Variants in LARGE1 observed in about 807,000 individuals in gnomAD.
LARGE1 encodes LARGE xylosyl- and glucuronyltransferase 1.
LARGE1 carries 43 observed loss-of-function variants against 87.6 expected under a neutral mutation model. That is an observed-to-expected ratio of 0.49 (90% CI 0.38 to 0.63). The LOEUF is 0.63. LARGE1 is among the 30% of genes least tolerant of loss of function. The probability of loss-of-function intolerance (pLI) is 0.00; values close to 1 mark genes in which losing one functional copy is unlikely to be tolerated. For synonymous variants in LARGE1, 434 were observed against 394.6 expected (o/e 1.10, Z -1.18); for missense variants, 802 against 1,000.2 (o/e 0.80, Z 2.67).
intron 1 of LARGE1, among the ~76,000 whole-genome samples, chr22:33,815,214 G>C (rs910891558): frequency 6.6e-6 from 1 of 152,138 alleles, no homozygotes; most frequent in African/African-American, 2.4e-5. Context: ...GTTTCTCCCA[G>C]GACAGTAGTG....
intron 7 of LARGE1, among the ~76,000 whole-genome samples, chr22:33,417,257 T>G (rs890980945): frequency 2.6e-5 from 4 of 152,168 alleles, no homozygotes; most frequent in Admixed American, 2.0e-4. Context: ...GCACCTAGTA[T>G]CTGCTGGACA....
chr22:33,602,993 A>T (rs2079151856), intron 5 of LARGE1, among the ~76,000 whole-genome samples: 1 of 152,240 alleles, frequency 6.6e-6, no homozygotes, highest in Non-Finnish European at 1.5e-5. Flanking sequence ...CCTGGGAGAC[A>T]GAGTGGCTTG....
intron 5 of LARGE1, among the ~76,000 whole-genome samples, chr22:33,576,626 C>A (rs907572715): frequency 6.6e-5 from 10 of 152,018 alleles, no homozygotes; most frequent in Admixed American, 6.6e-4. Flanking sequence ...CAGATATCAC[C>A]GCGAAAGCAC....
intron 6 of LARGE1, among the ~76,000 whole-genome samples, chr22:33,492,237 T>G (rs1025757611): frequency 3.9e-5 from 6 of 152,186 alleles, no homozygotes; most frequent in African/African-American, 1.4e-4. Context: ...TAAGCCCCTA[T>G]AGCTGAGAGG....
chr22:33,820,412 C>T (rs533787924), intron 1 of LARGE1, among the ~76,000 whole-genome samples: 43 of 152,170 alleles, frequency 2.8e-4, no homozygotes, highest in East Asian at 5.8e-4. Flanking sequence ...GCCTCAAACT[C>T]GGGGGCTCAA....
chr22:33,359,909 T>C (rs1042660016), intron 9 of LARGE1, among the ~76,000 whole-genome samples: 1 of 149,008 alleles, frequency 6.7e-6, no homozygotes, highest in African/African-American at 2.5e-5. Flanking sequence ...AATCTAGGAG[T>C]GGCCAACCCA....
At chr22:33,708,632 G>A (rs138081042) in intron 2 of LARGE1, among the ~76,000 whole-genome samples, 12 of 152,204 alleles carry the variant, frequency 7.9e-5, no homozygotes, top group African/African-American at 2.6e-4. Flanking sequence ...ACAGAGTCTC[G>A]CTCTGTCGCC....
chr22:33,557,249 A>G (rs1485001899), intron 6 of LARGE1, among the ~76,000 whole-genome samples: 1 of 151,946 alleles, frequency 6.6e-6, no homozygotes, highest in Non-Finnish European at 1.5e-5. Flanking sequence ...AATAATTAAA[A>G]CCTCTTCACC....
At chr22:33,704,177 T>C (rs1213141304) in intron 2 of LARGE1, among the ~76,000 whole-genome samples, 1 of 152,230 alleles carries the variant, frequency 6.6e-6, no homozygotes, top group East Asian at 1.9e-4. Flanking sequence ...TAAAACAAAG[T>C]AATGATGTAT....
intron 1 of LARGE1, among the ~76,000 whole-genome samples, chr22:33,857,560 T>C (rs973830957): frequency 6.6e-6 from 1 of 152,252 alleles, no homozygotes. Context: ...ATTAATGCTC[T>C]CCTAGATAAA....
At chr22:33,099,772 G>T in the LARGE1 span, among the ~76,000 whole-genome samples, 1 of 152,170 alleles carries the variant, frequency 6.6e-6, no homozygotes. Context: ...TGCTGAAGAG[G>T]CACATAGGTG....
intron 9 of LARGE1, among the ~76,000 whole-genome samples, chr22:33,377,013 A>C (rs1314561922): frequency 2.0e-5 from 3 of 152,228 alleles, no homozygotes; most frequent in Non-Finnish European, 4.4e-5. Context: ...GGAGAGGTCC[A>C]TCCTGGCACT....
At chr22:33,539,217 G>A (rs1418916596) in intron 6 of LARGE1, among the ~76,000 whole-genome samples, 2 of 151,400 alleles carry the variant, frequency 1.3e-5, no homozygotes, top group Non-Finnish European at 2.9e-5. Context: ...CCCTACATCT[G>A]CACTTCATAG....
At chr22:33,216,860 G>C (rs1925230348) in intron 11 of LARGE1, among the ~76,000 whole-genome samples, 1 of 152,144 alleles carries the variant, frequency 6.6e-6, no homozygotes, top group Non-Finnish European at 1.5e-5. Context: ...GCCAGCATAG[G>C]GCTTGGACAT....
chr22:33,288,829 C>T (rs1316576377), intron 12 of LARGE1, among the ~76,000 whole-genome samples: 2 of 152,310 alleles, frequency 1.3e-5, no homozygotes, highest in Non-Finnish European at 2.9e-5. Flanking sequence ...GGTCTGACTC[C>T]TCTTTGCAGA....
rs145781644 is a variant in LARGE1 at position 33,591,579 on chromosome 22, A to T, written c.615+12856T>A. ...CTTTCATCAGATAGATGCTTGGCAA[A>T]TTCTTTCTTTCAGTCTGTAGCTTAT... On this transcript the variant is annotated intron_variant, in intron 5 of 14. Coordinates refer to ENST00000397394, the MANE Select transcript of LARGE1 (RefSeq NM_133642.5). Among the ~76,000 whole-genome samples, 568 of 152,146 alleles carry T rather than the reference A, an allele frequency of 3.7e-3. 1 individual carries two copies. Among genetic ancestry groups the T allele is most frequent in the African/African-American group, 0.013 (536 of 41,510 alleles).
intron 1 of LARGE1, among the ~76,000 whole-genome samples, chr22:33,793,116 A>G (rs1023997733): frequency 2.0e-5 from 3 of 152,246 alleles, no homozygotes; most frequent in Non-Finnish European, 4.4e-5. Context: ...ACACTCCTAC[A>G]GCATCGCACA....
At chr22:33,484,902 A>G (rs1252667599) in intron 6 of LARGE1, among the ~76,000 whole-genome samples, 1 of 150,958 alleles carries the variant, frequency 6.6e-6, no homozygotes, top group Non-Finnish European at 1.5e-5. Flanking sequence ...CAAAGTAAAT[A>G]ATGAGGTGGT....
At chr22:33,417,760 G>C (rs2066551918) in intron 7 of LARGE1, among the ~76,000 whole-genome samples, 2 of 152,168 alleles carry the variant, frequency 1.3e-5, no homozygotes, top group Admixed American at 1.3e-4. Context: ...TTCTATGTAG[G>C]ACGGAGGTCC....
Sources: allele counts gnomAD v4.1 joint callset (sites outside exome capture counted in the v4.1 genomes callset), GRCh38; gene constraint gnomAD v4.1.1; transcripts MANE v1.5; gene names NCBI Gene and HGNC (gene_info 2026-07-23, HGNC 2026-07-21).